Variants in LRMDA observed in about 807,000 individuals in gnomAD.
LRMDA encodes the protein leucine-rich melanocyte differentiation-associated protein.
Under a neutral mutation model 29.8 loss-of-function variants are expected in LRMDA, and 18 were observed. The ratio of observed to expected loss-of-function variants is 0.60; its 90% CI spans 0.42 to 0.90. LRMDA has a LOEUF of 0.90. LRMDA is among the 40% of genes least tolerant of loss of function. LRMDA has a pLI of 0.00. For missense variants in LRMDA, 273 were observed against 273.9 expected (o/e 1.00, Z 0.02); for synonymous variants, 125 against 109.4 (o/e 1.14, Z -0.89).
At chr10:76,373,523 G>A (rs1841480136) in intron 6 of LRMDA, among the ~76,000 whole-genome samples, 1 of 152,130 alleles carries the variant, frequency 6.6e-6, no homozygotes, top group African/African-American at 2.4e-5. Flanking sequence ...TAAAGGGAAA[G>A]TCATAGTTAA....
At chr10:75,745,031 TCTC>T (rs900007770) in intron 2 of LRMDA, among the ~76,000 whole-genome samples, 2 of 152,166 alleles carry the variant, frequency 1.3e-5, no homozygotes, top group Admixed American at 6.5e-5. Flanking sequence ...ACTGTTCCCT[TCTC>T]CTGGAATGTG....
intron 5 of LRMDA, among the ~76,000 whole-genome samples, chr10:76,163,361 G>A (rs73285277): frequency 0.019 from 2,871 of 152,158 alleles, 89 homozygotes; most frequent in African/African-American, 0.063. Context: ...ATGCAGGATG[G>A]GACTTTTTTT....
At chr10:75,758,494 G>A (rs1032108293) in intron 2 of LRMDA, among the ~76,000 whole-genome samples, 6 of 152,278 alleles carry the variant, frequency 3.9e-5, no homozygotes, top group East Asian at 1.9e-4. Flanking sequence ...CTGTATTATC[G>A]TTCTAGTAGA....
At chr10:76,278,033 C>T (rs771680621) in intron 5 of LRMDA, among the ~76,000 whole-genome samples, 3 of 152,182 alleles carry the variant, frequency 2.0e-5, no homozygotes, top group Non-Finnish European at 4.4e-5. Context: ...TAATCCATTA[C>T]TCAGTCAGAA....
intron 6 of LRMDA, among the ~76,000 whole-genome samples, chr10:76,427,512 A>G (rs1166198686): frequency 2.6e-5 from 4 of 152,176 alleles, no homozygotes; most frequent in South Asian, 2.1e-4. Flanking sequence ...GGCTGAGACG[A>G]TGGGGTTTTC....
At chr10:76,218,266 C>G (rs11001695) in intron 5 of LRMDA, among the ~76,000 whole-genome samples, 3 of 152,156 alleles carry the variant, frequency 2.0e-5, no homozygotes, top group African/African-American at 7.2e-5. Flanking sequence ...CCCTCTTGCC[C>G]GAACAGTGCC....
intron 5 of LRMDA, among the ~76,000 whole-genome samples, chr10:76,110,385 C>A (rs1397945051): frequency 6.6e-6 from 1 of 152,212 alleles, no homozygotes. Flanking sequence ...TTACTTCCAT[C>A]AGCTTTTGAC....
chr10:76,124,743 C>A (rs997829622), intron 5 of LRMDA, among the ~76,000 whole-genome samples: 2 of 152,192 alleles, frequency 1.3e-5, no homozygotes, highest in African/African-American at 4.8e-5. Flanking sequence ...ATTGACTGCT[C>A]CCCACGTCTC....
chr10:75,703,587 T>A (rs1013979304), intron 2 of LRMDA, among the ~76,000 whole-genome samples: 1 of 152,176 alleles, frequency 6.6e-6, no homozygotes, highest in Non-Finnish European at 1.5e-5. Context: ...TAAGCATGGC[T>A]TGGTGATTCA....
chr10:76,435,404 G>A (rs138756597), intron 6 of LRMDA, among the ~76,000 whole-genome samples: 1 of 152,322 alleles, frequency 6.6e-6, no homozygotes, highest in East Asian at 1.9e-4. Flanking sequence ...GGCTGATGCA[G>A]TCATCTGAGG....
At position 76,558,874 on chromosome 10, in the gene LRMDA, C is replaced by A. The variant is rs186855733; in HGVS notation, c.*1586C>A. 6.6e-6 allele frequency: 1 copy of A among 152,282 alleles called. No individual in the cohort carries two copies. Among genetic ancestry groups the A allele is most frequent in the East Asian group, 1.9e-4 (1 of 5,182 alleles). 9.4% of individuals were successfully genotyped at this position (152,282 alleles called of 1,614,324 possible). A position where few individuals can be genotyped will look rare whatever the true frequency, so the allele number is the denominator to read the frequency against. On this transcript the variant is annotated 3_prime_UTR_variant, in exon 7 of 7. Transcript: ENST00000611255. ...AACCTTTGTTAATCAGTTCTTTAGA[C>A]AAGTTAACATTAAAATCCTCAAAAC...
intron 2 of LRMDA, among the ~76,000 whole-genome samples, chr10:75,844,676 G>A (rs575874526): frequency 2.0e-5 from 3 of 152,262 alleles, no homozygotes; most frequent in African/African-American, 4.8e-5. Flanking sequence ...CCCTTAGGTC[G>A]CACTACTCTC....
At chr10:76,484,223 C>T (rs540247434) in intron 6 of LRMDA, among the ~76,000 whole-genome samples, 15 of 151,630 alleles carry the variant, frequency 9.9e-5, no homozygotes, top group Admixed American at 2.6e-4. Context: ...CCTCCTCCTC[C>T]ATCTTCTCCT....
intron 2 of LRMDA, among the ~76,000 whole-genome samples, chr10:75,534,872 AGGGT>A (rs1839928475): frequency 1.3e-5 from 2 of 152,160 alleles, no homozygotes; most frequent in African/African-American, 4.8e-5. Context: ...TAGGTAATGG[AGGGT>A]CAGATTCAGG....
At chr10:75,888,562 T>A (rs1845430316) in intron 2 of LRMDA, among the ~76,000 whole-genome samples, 1 of 152,208 alleles carries the variant, frequency 6.6e-6, no homozygotes. Context: ...TATCTCTGTT[T>A]AGCTTCTGTA....
intron 5 of LRMDA, among the ~76,000 whole-genome samples, chr10:76,237,785 CTTTT>C (rs33976322): frequency 1.2e-5 from 1 of 84,110 alleles, no homozygotes; most frequent in African/African-American, 4.9e-5. Context: ...GACAAGAGTG[CTTTT>C]TTTTTTTTTT....
intron 6 of LRMDA, among the ~76,000 whole-genome samples, chr10:76,443,618 G>T (rs1842325859): frequency 6.6e-6 from 1 of 152,130 alleles, no homozygotes; most frequent in Non-Finnish European, 1.5e-5. Flanking sequence ...ATAGTGTAGA[G>T]TTTAAAGTGC....
intron 2 of LRMDA, among the ~76,000 whole-genome samples, chr10:75,521,648 T>G (rs990912229): frequency 6.6e-6 from 1 of 152,246 alleles, no homozygotes; most frequent in African/African-American, 2.4e-5. Flanking sequence ...GGTAATCCCC[T>G]GACCCTTTGC....
At chr10:75,453,101 C>T (rs1032592274) in intron 2 of LRMDA, among the ~76,000 whole-genome samples, 1 of 152,090 alleles carries the variant, frequency 6.6e-6, no homozygotes, top group African/African-American at 2.4e-5. Flanking sequence ...AAAGAGAAAT[C>T]AGATGAGTCA....
Sources: allele counts gnomAD v4.1 joint callset (sites outside exome capture counted in the v4.1 genomes callset), GRCh38; gene constraint gnomAD v4.1.1; transcripts MANE v1.5; gene names NCBI Gene and HGNC (gene_info 2026-07-23, HGNC 2026-07-21).